Variants in MAP3K15 observed in about 807,000 individuals in gnomAD.
MAP3K15 encodes mitogen-activated protein kinase kinase kinase 15, also known as MAPK/ERK kinase kinase 15.
In MAP3K15, 124 loss-of-function variants were observed where a neutral mutation model predicts 99.5. The observed-to-expected ratio is 1.25, with a 90% CI of 1.08 to 1.45. The LOEUF is 1.45. MAP3K15 is among the 40% of genes most tolerant of loss of function. MAP3K15 has a pLI of 0.00. For synonymous variants in MAP3K15, 494 were observed against 439.6 expected (o/e 1.12, Z -1.55); for missense variants, 1,242 against 1,079.7 (o/e 1.15, Z -2.11).
At chrX:19,375,067 C>G (rs1186458047) in intron 19 of MAP3K15, among the ~76,000 whole-genome samples, 3 of 112,273 alleles carry the variant, frequency 2.7e-5, no homozygotes, top group East Asian at 5.6e-4. Flanking sequence ...CCCTGCTCCC[C>G]CAAACCACCA....
chrX:19,416,668 T>C (rs1569217011), intron 9 of MAP3K15, among the ~76,000 whole-genome samples: 1 of 112,054 alleles, frequency 8.9e-6, no homozygotes, highest in Non-Finnish European at 1.9e-5. Flanking sequence ...CTAAAAATCG[T>C]AGGAGAAACA....
At chrX:19,437,098 C>T (rs1328172779) in intron 6 of MAP3K15, among the ~76,000 whole-genome samples, 1 of 111,930 alleles carries the variant, frequency 8.9e-6, no homozygotes, top group African/African-American at 3.2e-5. Context: ...ATGTTTGGTT[C>T]CTCTAACACC....
intron 13 of MAP3K15, among the ~76,000 whole-genome samples, chrX:19,406,200 G>A (rs1337792931): frequency 1.8e-5 from 2 of 112,118 alleles, no homozygotes; most frequent in Admixed American, 9.5e-5. Context: ...AAGGTTAAAC[G>A]TAGAGTTACC....
intron 18 of MAP3K15, among the ~76,000 whole-genome samples, chrX:19,386,914 G>A (rs188706571): frequency 7.3e-4 from 81 of 111,282 alleles, no homozygotes; most frequent in African/African-American, 2.6e-3. Flanking sequence ...CCAAAAGGGC[G>A]TGGGCCCAGG....
chrX:19,442,337 G>A (rs1367059507), intron 6 of MAP3K15, among the ~76,000 whole-genome samples: 1 of 111,402 alleles, frequency 9.0e-6, no homozygotes, highest in East Asian at 2.8e-4. Flanking sequence ...CAATGAGTAT[G>A]TCTGACTTGG....
chrX:19,416,984 C>A (rs1387294115), intron 9 of MAP3K15, among the ~76,000 whole-genome samples: 1 of 112,013 alleles, frequency 8.9e-6, no homozygotes, highest in African/African-American at 3.2e-5. Flanking sequence ...TGCTAAGAAC[C>A]AATACAGAGA....
chrX:19,464,421 C>A lies in MAP3K15; in HGVS notation c.526-15G>T, dbSNP rs190392125. ...CCACTGGATGCCTGGAAAAAAGAAA[C>A]AAAGATGTTCCAGAAAGTAACTTAT... On this transcript the variant is annotated splice_polypyrimidine_tract_variant and intron_variant, in intron 3 of 28. Coordinates refer to ENST00000338883, the MANE Select transcript of MAP3K15 (RefSeq NM_001001671.4). The A allele has an allele frequency of 9.5e-6, 11 of 1,156,830 alleles. No individual in the cohort carries two copies. Among genetic ancestry groups the A allele is most frequent in the Non-Finnish European group, 1.3e-5 (11 of 863,714 alleles).
At chrX:19,427,761 G>A (rs2063843396) in intron 7 of MAP3K15, among the ~76,000 whole-genome samples, 1 of 111,001 alleles carries the variant, frequency 9.0e-6, no homozygotes, top group Non-Finnish European at 1.9e-5. Context: ...TTATGTGATG[G>A]CAAGAGAATT....
At chrX:19,446,510 C>G (rs1224740245) in intron 6 of MAP3K15, among the ~76,000 whole-genome samples, 1 of 111,811 alleles carries the variant, frequency 8.9e-6, no homozygotes, top group Non-Finnish European at 1.9e-5. Context: ...GGAGTCGTAA[C>G]CTGGCTCATG....
In MAP3K15 at chrX:19,493,287, C is replaced by T. The variant is rs751628146; in HGVS notation, c.362-4320G>A. ...TCTGTGCTGGGACCCACCGGCCTAC[C>T]AAGGATTGGGAGAGACTTTTCACTG... On this transcript the variant is annotated intron_variant, in intron 1 of 28. Coordinates refer to ENST00000338883, the MANE Select transcript of MAP3K15 (RefSeq NM_001001671.4). 5.0e-5 allele frequency among the ~76,000 whole-genome samples: 5 copies of T among 99,066 alleles called. No homozygotes were observed. The South Asian group carries it at 1.9e-3, about 38-fold the overall frequency. 86.0% of individuals were successfully genotyped at this position (99,066 alleles called of 115,157 possible).
chrX:19,379,641 C>CA (rs1194617150), intron 19 of MAP3K15, among the ~76,000 whole-genome samples: 3 of 109,896 alleles, frequency 2.7e-5, no homozygotes, highest in Non-Finnish European at 5.7e-5. Context: ...GAGGTTTTGC[C>CA]ATGTTGCCCA....
At chrX:19,381,114 G>A (rs1430535673) in intron 18 of MAP3K15, among the ~76,000 whole-genome samples, 1 of 111,737 alleles carries the variant, frequency 8.9e-6, no homozygotes. Flanking sequence ...AATAAAATAG[G>A]GTTTGACTCT....
intron 9 of MAP3K15, among the ~76,000 whole-genome samples, chrX:19,418,842 T>A (rs775984138): frequency 8.9e-6 from 1 of 111,964 alleles, no homozygotes; most frequent in African/African-American, 3.2e-5. Context: ...CTGATCTCTC[T>A]GCAGAAACTC....
At chrX:19,471,335 G>C (rs933806292) in intron 3 of MAP3K15, among the ~76,000 whole-genome samples, 6 of 110,263 alleles carry the variant, frequency 5.4e-5, no homozygotes, top group African/African-American at 2.0e-4. Context: ...CACGATCTTG[G>C]ATCACCACAA....
At chrX:19,373,413 G>A (rs2063392436) in intron 21 of MAP3K15, 123 bp downstream of exon 21, 3 of 889,412 alleles carry the variant, frequency 3.4e-6, no homozygotes, top group South Asian at 2.5e-5. Flanking sequence ...CTGCCCTACT[G>A]CCCTGCAGAA....
intron 12 of MAP3K15, among the ~76,000 whole-genome samples, chrX:19,408,369 T>C (rs1378803173): frequency 2.7e-5 from 3 of 112,225 alleles, no homozygotes; most frequent in Non-Finnish European, 5.6e-5. Context: ...TTTGAAAATC[T>C]TCACAAGGCA....
intron 14 of MAP3K15, among the ~76,000 whole-genome samples, chrX:19,399,996 T>C (rs1230920010): frequency 3.6e-5 from 4 of 111,276 alleles, no homozygotes; most frequent in African/African-American, 1.3e-4. Context: ...CATTAAGGAA[T>C]TCCTTTCAGT....
At chrX:19,409,638 C>T (rs2063672350) in intron 12 of MAP3K15, among the ~76,000 whole-genome samples, 1 of 111,770 alleles carries the variant, frequency 8.9e-6, no homozygotes, top group South Asian at 3.7e-4. Context: ...AAAAAAGATA[C>T]ATCTTCTCTT....
chrX:19,460,214 C>G, intron 4 of MAP3K15, 61 bp from the exon 5 acceptor site: 1 of 857,230 alleles, frequency 1.2e-6, no homozygotes, highest in Non-Finnish European at 1.5e-6. Flanking sequence ...GACTGTCTTG[C>G]GCCCAAAATG....
Sources: allele counts gnomAD v4.1 joint callset (sites outside exome capture counted in the v4.1 genomes callset), GRCh38; gene constraint gnomAD v4.1.1; transcripts MANE v1.5; gene names NCBI Gene and HGNC (gene_info 2026-07-23, HGNC 2026-07-21).